Variants in SRD5A2 observed in about 807,000 individuals in gnomAD.
The protein encoded by SRD5A2 is steroid 5 alpha-reductase 2, also known as 3-oxo-5-alpha-steroid 4-dehydrogenase 2.
Under a neutral mutation model 27.4 loss-of-function variants are expected in SRD5A2, and 30 were observed. The observed-to-expected ratio is 1.10, with a 90% confidence interval of 0.82 to 1.49. The LOEUF (loss-of-function observed/expected upper bound fraction) is 1.49. Ranked by LOEUF, SRD5A2 falls within the 40% of genes most tolerant of loss-of-function variation. SRD5A2 has a pLI of 0.00. For synonymous variants in SRD5A2, 141 were observed against 133.6 expected, an observed-to-expected ratio of 1.06 and a Z score of -0.38; for missense variants, 348 against 323.4, an observed-to-expected ratio of 1.08 and a Z score of -0.58.
the SRD5A2 span, among the ~76,000 whole-genome samples, chr2:31,635,740 TGAAA>T: frequency 6.6e-6 from 1 of 152,100 alleles, no homozygotes. Context: ...TTGTGTATGC[TGAAA>T]GATAGAGGTG....
chr2:31,620,845 G>A, the SRD5A2 span, among the ~76,000 whole-genome samples: 1 of 147,476 alleles, frequency 6.8e-6, no homozygotes, highest in South Asian at 2.1e-4. Context: ...AAAACTGCAT[G>A]TGAATCCACG....
the SRD5A2 span, among the ~76,000 whole-genome samples, chr2:31,637,300 G>C: frequency 2.0e-5 from 3 of 151,930 alleles, no homozygotes; most frequent in Admixed American, 1.3e-4. Context: ...TTGTACTTCT[G>C]AGGTCTCATT....
the SRD5A2 span, among the ~76,000 whole-genome samples, chr2:31,645,361 T>C: frequency 6.6e-6 from 1 of 152,216 alleles, no homozygotes; most frequent in Non-Finnish European, 1.5e-5. Context: ...TTCTCCATGA[T>C]GTGCTTATTT....
chr2:31,588,195 GT>G, the SRD5A2 span, among the ~76,000 whole-genome samples: 1 of 152,092 alleles, frequency 6.6e-6, no homozygotes, highest in Non-Finnish European at 1.5e-5. Context: ...GGGGTGGAAA[GT>G]TTATTCAAAG....
At chr2:31,632,545 C>A in the SRD5A2 span, among the ~76,000 whole-genome samples, 56 of 152,182 alleles carry the variant, frequency 3.7e-4, no homozygotes, top group African/African-American at 1.3e-3. Context: ...CCATCACCCT[C>A]ACAGAGCCCT....
the SRD5A2 span, among the ~76,000 whole-genome samples, chr2:31,641,078 T>C: frequency 1.3e-5 from 2 of 152,196 alleles, no homozygotes; most frequent in African/African-American, 4.8e-5. Context: ...CTGGGAACTG[T>C]CTCATCCTCA....
intron 1 of SRD5A2, among the ~76,000 whole-genome samples, chr2:31,544,927 C>A (rs1444651203): frequency 6.6e-6 from 1 of 151,664 alleles, no homozygotes; most frequent in East Asian, 1.9e-4. Context: ...AACAATTGTA[C>A]CCCCCAAAAT....
chr2:31,567,021 A>G (rs1254734416), intron 1 of SRD5A2, among the ~76,000 whole-genome samples: 1 of 152,168 alleles, frequency 6.6e-6, no homozygotes, highest in Admixed American at 6.5e-5. Flanking sequence ...GGCTCCATAT[A>G]TTTATTTCCA....
At chr2:31,598,856 G>T in the SRD5A2 span, among the ~76,000 whole-genome samples, 1 of 151,846 alleles carries the variant, frequency 6.6e-6, no homozygotes, top group Non-Finnish European at 1.5e-5. Context: ...AGTAAATTCT[G>T]CAATCAAAAG....
chr2:31,648,927 A>G, the SRD5A2 span, among the ~76,000 whole-genome samples: 1 of 152,134 alleles, frequency 6.6e-6, no homozygotes, highest in African/African-American at 2.4e-5. Flanking sequence ...CTGCATTCCT[A>G]GAAAGACTAG....
intron 3 of SRD5A2, among the ~76,000 whole-genome samples, chr2:31,530,804 C>A (rs1180443644): frequency 6.6e-6 from 1 of 152,192 alleles, no homozygotes; most frequent in Non-Finnish European, 1.5e-5. Context: ...TTCTTTGGAG[C>A]AGTTAGGATT....
chr2:31,600,797 T>C, the SRD5A2 span, among the ~76,000 whole-genome samples: 2 of 151,926 alleles, frequency 1.3e-5, no homozygotes, highest in Non-Finnish European at 2.9e-5. Flanking sequence ...TGAATATTGA[T>C]GCAAAAATTC....
At chr2:31,599,914 C>T in the SRD5A2 span, among the ~76,000 whole-genome samples, 106 of 151,882 alleles carry the variant, frequency 7.0e-4, no homozygotes, top group African/African-American at 2.3e-3. Flanking sequence ...GTTTGTTGTA[C>T]GGATATTTAA....
chr2:31,574,827 G>A (rs922655252), intron 1 of SRD5A2, among the ~76,000 whole-genome samples: 1 of 152,212 alleles, frequency 6.6e-6, no homozygotes, highest in African/African-American at 2.4e-5. Context: ...GAAGGGATTG[G>A]TAAACTATGG....
the SRD5A2 span, among the ~76,000 whole-genome samples, chr2:31,631,187 C>A: frequency 6.6e-6 from 1 of 152,120 alleles, no homozygotes; most frequent in Non-Finnish European, 1.5e-5. Context: ...TACTCAGGAA[C>A]CTAGCCCAGC....
chr2:31,588,986 A>G, the SRD5A2 span, among the ~76,000 whole-genome samples: 1 of 152,112 alleles, frequency 6.6e-6, no homozygotes, highest in Non-Finnish European at 1.5e-5. Flanking sequence ...GAATTCACAG[A>G]CCCTTTGAAA....
chr2:31,585,976 A>G, the SRD5A2 span, among the ~76,000 whole-genome samples: 1 of 152,158 alleles, frequency 6.6e-6, no homozygotes, highest in Non-Finnish European at 1.5e-5. Flanking sequence ...GGGAGGAAAG[A>G]GTGGGAAAGA....
the SRD5A2 span, among the ~76,000 whole-genome samples, chr2:31,606,741 A>G: frequency 2.0e-5 from 3 of 151,886 alleles, no homozygotes; most frequent in Non-Finnish European, 4.4e-5. Flanking sequence ...CACCCCTCTA[A>G]TCATCTCCAT....
At chr2:31,596,712 A>T in the SRD5A2 span, among the ~76,000 whole-genome samples, 1 of 152,190 alleles carries the variant, frequency 6.6e-6, no homozygotes, top group South Asian at 2.1e-4. Context: ...CAAGCTGAGA[A>T]TCAAATTAAG....
Sources: gnomAD v4.1 joint callset for allele counts (sites outside exome capture counted in the v4.1 genomes callset) on GRCh38, gnomAD v4.1.1 for gene constraint, MANE v1.5 for transcripts, NCBI Gene and HGNC (gene_info 2026-07-23, HGNC 2026-07-21) for gene names.